TXNDC11: variants seen among roughly 807,000 people sequenced by gnomAD.
TXNDC11 encodes thioredoxin domain-containing protein 11.
Under a neutral mutation model 78.0 loss-of-function variants are expected in TXNDC11, and 68 were observed. That is an observed-to-expected ratio of 0.87 (90% confidence interval 0.72 to 1.07). The LOEUF (loss-of-function observed/expected upper bound fraction) is 1.07. TXNDC11 is among the 50% of genes least tolerant of loss of function. The pLI is 0.00. For synonymous variants in TXNDC11, 571 were observed against 495.2 expected, an observed-to-expected ratio of 1.15 and a Z score of -2.03; for missense variants, 1,389 against 1,221.8, an observed-to-expected ratio of 1.14 and a Z score of -2.04.
intron 4 of TXNDC11, among the ~76,000 whole-genome samples, chr16:11,727,487 G>C (rs1245608805): frequency 6.6e-6 from 1 of 152,108 alleles, no homozygotes; most frequent in African/African-American, 2.4e-5. Flanking sequence ...ACCAAAACAA[G>C]TATCTTTCAT....
chr16:11,742,706 C>A lies in TXNDC11; in HGVS notation c.25G>T (p.Gly9Cys), dbSNP rs761428263. MSECGGRG[G>C]GSSSSEDAED... is the part of the protein sequence containing the mutation. Reference sequence around the variant, plus strand: ...GCGTCCTCGCTGCTGCTGCTGCCGCCGCCGCGGCCTCCGCATTCCGACATT... The same window carrying A: ...GCGTCCTCGCTGCTGCTGCTGCCGCAGCCGCGGCCTCCGCATTCCGACATT... Residue 9 changes from glycine to cysteine, a missense_variant, in exon 1 of 12, where the codon GGC becomes TGC. Transcript: ENST00000283033. 8.1e-6 allele frequency: 12 copies of A among 1,482,024 alleles called. No individual in the cohort carries two copies. The highest frequency in any genetic ancestry group is 2.0e-4 in the Middle Eastern group (1 of 5,060). The allele number at this position is 1,482,024 out of a possible 1,614,324, so 91.8% of individuals were successfully genotyped here.
At chr16:11,682,244 G>A (rs1046330638) in intron 11 of TXNDC11, among the ~76,000 whole-genome samples, 2 of 152,206 alleles carry the variant, frequency 1.3e-5, no homozygotes, top group Non-Finnish European at 1.5e-5. Context: ...AGCTCATGAT[G>A]AGCATACTTT....
intron 10 of TXNDC11, 41 bp from the exon 11 acceptor site, chr16:11,684,286 A>G (rs1163315287): frequency 6.9e-7 from 1 of 1,455,940 alleles, no homozygotes; most frequent in Non-Finnish European, 9.6e-7. Context: ...TGATCAGCCC[A>G]AGAAACACCA....
chr16:11,728,203 T>C (rs1425199842), intron 4 of TXNDC11, among the ~76,000 whole-genome samples: 1 of 152,232 alleles, frequency 6.6e-6, no homozygotes, highest in Non-Finnish European at 1.5e-5. Context: ...ATTCTGTCTC[T>C]ATCTTATAGG....
chr16:11,697,393 A>G (rs943830871), intron 7 of TXNDC11, among the ~76,000 whole-genome samples: 1 of 152,210 alleles, frequency 6.6e-6, no homozygotes, highest in Non-Finnish European at 1.5e-5. Context: ...GTGAAAAAAT[A>G]AAAACCTCAG....
chr16:11,742,529 C>A lies in TXNDC11; in HGVS notation c.202G>T (p.Gly68Trp). Residue 68 changes from glycine to tryptophan, a missense_variant, in exon 1 of 12, where the codon GGG becomes TGG. Coordinates refer to ENST00000283033, the MANE Select transcript of TXNDC11 (RefSeq NM_015914.7). ...MARQRPELLC[G>W]AVALGCALLL... ...AGCGCGCAGCCGAGCGCCACGGCCCCGCAGAGCAGCTCCGGCCGCTGGCGC... is the reference window on the plus strand; with the variant it reads ...AGCGCGCAGCCGAGCGCCACGGCCCAGCAGAGCAGCTCCGGCCGCTGGCGC... 1 of 1,461,680 alleles carries A rather than the reference C, an allele frequency of 6.8e-7. No individual in the cohort carries two copies. The highest frequency in any genetic ancestry group is 9.0e-7 in the Non-Finnish European group (1 of 1,114,550). The allele number at this position is 1,461,680 out of a possible 1,614,324, so 90.5% of individuals were successfully genotyped here.
rs765116420 is a variant in TXNDC11, at chr16:11,734,004, C to T, written c.547G>A (p.Val183Ile). The change falls in exon 3 of 12, where the codon GTA becomes ATA. Residue 183 changes from valine to isoleucine, a missense_variant. Physicochemically the swap from Val to Ile is conservative, Grantham distance 29. Coordinates refer to ENST00000283033, the MANE Select transcript of TXNDC11 (RefSeq NM_015914.7). ...RKQKHFFYFP[V>I]IYLYHRSFGP... is the part of the protein sequence containing the mutation. The stretch of plus-strand genomic sequence containing the variant: ...TACCTCCGATGATACAGATATATTA[C>T]AGGAAAATAAAAGAAGTGTTTCTGT... 7 of 1,606,786 alleles carry T rather than the reference C, an allele frequency of 4.4e-6. No homozygotes were observed. Among genetic ancestry groups the T allele is most frequent in the Non-Finnish European group, 5.1e-6 (6 of 1,178,158 alleles).
In TXNDC11 at chr16:11,742,739, C is replaced by A; in HGVS notation, c.-9G>T. On this transcript the variant is annotated 5_prime_UTR_variant, in exon 1 of 12. Transcript: ENST00000283033. ...CCTCCGCATTCCGACATTACATGCTCCCAGTCGCCGGCTTTATACCGCCGC... is the reference window on the plus strand; with the variant it reads ...CCTCCGCATTCCGACATTACATGCTACCAGTCGCCGGCTTTATACCGCCGC... The A allele has an allele frequency of 6.8e-7, 1 of 1,466,082 alleles. No individual in the cohort carries two copies. The highest frequency in any genetic ancestry group is 8.9e-7 in the Non-Finnish European group (1 of 1,117,714). The allele number at this position is 1,466,082 out of a possible 1,614,324, so 90.8% of individuals were successfully genotyped here.
intron 5 of TXNDC11, among the ~76,000 whole-genome samples, chr16:11,708,971 T>A (rs60146260): frequency 0.039 from 5,878 of 152,308 alleles, 392 homozygotes; most frequent in African/African-American, 0.13. Flanking sequence ...AAGTTCTTCA[T>A]AACCATTTCC....
Position 11,742,462 on chromosome 16 carries a change from T to A in TXNDC11, c.254+15A>T. ...GGAGCGCCCTAGCGGGGCCCCAGGG[T>A]CCGGGCCGCCTCACCTGCAGGTGAA... On this transcript the variant is annotated intron_variant, in intron 1 of 11. Coordinates refer to ENST00000283033, the MANE Select transcript of TXNDC11 (RefSeq NM_015914.7). 1 of 1,410,954 alleles carries A rather than the reference T, an allele frequency of 7.1e-7. No individual in the cohort carries two copies. Among genetic ancestry groups the A allele is most frequent in the South Asian group, 1.5e-5 (1 of 66,934 alleles). The allele number at this position is 1,410,954 out of a possible 1,614,324, so 87.4% of individuals were successfully genotyped here. A position where few individuals can be genotyped will look rare whatever the true frequency, so the allele number is the denominator to read the frequency against.
intron 3 of TXNDC11, among the ~76,000 whole-genome samples, 158 bp downstream of exon 3, chr16:11,733,824 T>G (rs1043471047): frequency 3.3e-5 from 5 of 152,002 alleles, no homozygotes; most frequent in Non-Finnish European, 7.4e-5. Context: ...AAAAGGGGGG[T>G]GGATTATCCA....
chr16:11,687,867 T>C lies in TXNDC11; in HGVS notation c.2143A>G (p.Thr715Ala), dbSNP rs183829635. 7.4e-6 allele frequency: 12 copies of C among 1,612,214 alleles called. No individual in the cohort carries two copies. The African/African-American group carries it at 1.1e-4, about 14-fold the overall frequency. ...AAGAGGCCTGCTTACCTTGCCACAG[T>C]GAATGTGTCCATGGGCAGGTTCCGA... The part of the protein sequence containing the change: ...LARNLPMDTF[T>A]VARIDVSQND... The change falls in exon 10 of 12, where the codon ACT becomes GCT. Residue 715 changes from threonine to alanine, a missense_variant. Transcript: ENST00000283033.
At chr16:11,728,985 A>C (rs1030264751) in intron 4 of TXNDC11, among the ~76,000 whole-genome samples, 6 of 152,064 alleles carry the variant, frequency 3.9e-5, no homozygotes, top group African/African-American at 1.5e-4. Flanking sequence ...TGGGTAACAG[A>C]GTGAGACCAT....
At chr16:11,713,110 GAA>G (rs35333554) in intron 5 of TXNDC11, among the ~76,000 whole-genome samples, 4,472 of 111,762 alleles carry the variant, frequency 0.04, 305 homozygotes, top group African/African-American at 0.14. Context: ...TCTGTCTCAG[GAA>G]AAAAAAAAAA....
At chr16:11,724,967 A>G (rs1207384306) in intron 4 of TXNDC11, among the ~76,000 whole-genome samples, 4 of 152,046 alleles carry the variant, frequency 2.6e-5, no homozygotes, top group Admixed American at 2.6e-4. Flanking sequence ...GGCTGGTCTT[A>G]AACTCCTGAC....
At chr16:11,715,294 T>G (rs927893420) in intron 5 of TXNDC11, among the ~76,000 whole-genome samples, 1 of 152,282 alleles carries the variant, frequency 6.6e-6, no homozygotes, top group East Asian at 1.9e-4. Flanking sequence ...CATGTGAATT[T>G]CAATTTGATC....
chr16:11,694,097 C>CTTTTTTTTTTTTTT (rs535913245), intron 7 of TXNDC11, among the ~76,000 whole-genome samples: 1 of 85,690 alleles, frequency 1.2e-5, no homozygotes, highest in African/African-American at 4.9e-5. Context: ...TACAGCAATG[C>CTTTTTTTTTTTTTT]TTTTTTTTTT....
At chr16:11,738,983 C>A (rs904539519) in intron 1 of TXNDC11, among the ~76,000 whole-genome samples, 1 of 151,942 alleles carries the variant, frequency 6.6e-6, no homozygotes, top group Non-Finnish European at 1.5e-5. Flanking sequence ...GCCAAGATCA[C>A]GCCATTGCAC....
chr16:11,688,925 T>G (rs2050637709), intron 8 of TXNDC11, among the ~76,000 whole-genome samples: 1 of 152,148 alleles, frequency 6.6e-6, no homozygotes, highest in Non-Finnish European at 1.5e-5. Context: ...TTAAGGTTCT[T>G]TAAGTTTCTT....
Sources: gnomAD v4.1 joint callset for allele counts (sites outside exome capture counted in the v4.1 genomes callset) on GRCh38, gnomAD v4.1.1 for gene constraint, MANE v1.5 for transcripts, NCBI Gene and HGNC (gene_info 2026-07-23, HGNC 2026-07-21) for gene names.